TMEM132D: variants seen among roughly 807,000 people sequenced by gnomAD.
The protein encoded by TMEM132D is transmembrane protein 132D.
A neutral mutation model predicts 62.3 loss-of-function variants in TMEM132D; 21 were observed. That is an observed-to-expected ratio of 0.34 (90% CI 0.24 to 0.49). The LOEUF is 0.49. TMEM132D is among the 20% of genes least tolerant of loss of function. The pLI, the probability that TMEM132D is intolerant of heterozygous loss-of-function variation, is 0.99. For synonymous variants in TMEM132D, 621 were observed against 575.6 expected (o/e 1.08, Z -1.13); for missense variants, 1,346 against 1,402.8 (o/e 0.96, Z 0.65).
At chr12:129,122,294 G>C (rs150596364) in intron 5 of TMEM132D, among the ~76,000 whole-genome samples, 36 of 152,298 alleles carry the variant, frequency 2.4e-4, no homozygotes, top group Non-Finnish European at 4.9e-4. Context: ...ATGCTGTGGG[G>C]GAAAGCAAAG....
chr12:129,179,870 A>G (rs1268686755), intron 5 of TMEM132D, among the ~76,000 whole-genome samples: 1 of 152,074 alleles, frequency 6.6e-6, no homozygotes, highest in Non-Finnish European at 1.5e-5. Context: ...TCTACTAAAA[A>G]TACAAAAATT....
At chr12:129,612,232 A>C (rs999905797) in intron 2 of TMEM132D, among the ~76,000 whole-genome samples, 21 of 152,292 alleles carry the variant, frequency 1.4e-4, no homozygotes, top group Admixed American at 6.5e-4. Context: ...GGCTGATCTT[A>C]CTAAGGGGAG....
Position 129,724,677 on chromosome 12 carries a change from C to T in TMEM132D, c.80-23979G>A, listed in dbSNP as rs146324569. Among the ~76,000 whole-genome samples the T allele has an allele frequency of 1.9e-3, 287 of 152,258 alleles. 1 individual carries two copies. Among genetic ancestry groups the T allele is most frequent in the African/African-American group, 6.4e-3 (265 of 41,560 alleles). ...AGCTGGGATTGCAAGCACCCATCAC[C>T]GTGCCTGGCTAATTTTTGTACTTTT... On this transcript the variant is annotated intron_variant, in intron 1 of 8. Transcript: ENST00000422113.
chr12:129,529,717 TCATC>T (rs1320064819), intron 3 of TMEM132D, among the ~76,000 whole-genome samples: 3 of 152,148 alleles, frequency 2.0e-5, no homozygotes, highest in Non-Finnish European at 4.4e-5. Context: ...ATCCATCCAC[TCATC>T]CATCCATCCA....
intron 4 of TMEM132D, among the ~76,000 whole-genome samples, chr12:129,225,090 T>G (rs745426675): frequency 6.6e-6 from 1 of 152,180 alleles, no homozygotes; most frequent in East Asian, 1.9e-4. Context: ...TCTGTGACTT[T>G]CGGCAAAATA....
intron 1 of TMEM132D, among the ~76,000 whole-genome samples, chr12:129,774,500 G>A (rs761581676): frequency 6.6e-6 from 1 of 152,188 alleles, no homozygotes; most frequent in Non-Finnish European, 1.5e-5. Flanking sequence ...CAGGTGGGGG[G>A]CCCGTTGCAA....
chr12:129,572,857 G>A (rs1412479482), intron 2 of TMEM132D, among the ~76,000 whole-genome samples: 5 of 151,918 alleles, frequency 3.3e-5, no homozygotes, highest in Non-Finnish European at 5.9e-5. Context: ...CAATTTCGTG[G>A]CTTTCAAGTA....
chr12:129,767,290 C>T lies in TMEM132D; in HGVS notation c.80-66592G>A, dbSNP rs150543753. Among the ~76,000 whole-genome samples, 45 of 152,256 alleles carry T rather than the reference C, an allele frequency of 3.0e-4. No homozygotes were observed. The East Asian group carries it at 7.5e-3, about 26-fold the overall frequency. On this transcript the variant is annotated intron_variant, in intron 1 of 8. Coordinates refer to ENST00000422113, the MANE Select transcript of TMEM132D (RefSeq NM_133448.3). Reference sequence around the variant, plus strand: ...GTACATCTATAATTAATAAAACATGCATGCTTTTCTCCAGTTAATCTGTCT... The same window carrying T: ...GTACATCTATAATTAATAAAACATGTATGCTTTTCTCCAGTTAATCTGTCT...
intron 5 of TMEM132D, among the ~76,000 whole-genome samples, chr12:129,122,670 C>T (rs1876101133): frequency 6.6e-6 from 1 of 152,196 alleles, no homozygotes; most frequent in Non-Finnish European, 1.5e-5. Context: ...CTATTCTCCT[C>T]TGTGCTTCGT....
At chr12:129,559,042 G>A (rs894223764) in intron 2 of TMEM132D, among the ~76,000 whole-genome samples, 1 of 152,178 alleles carries the variant, frequency 6.6e-6, no homozygotes, top group African/African-American at 2.4e-5. Flanking sequence ...TTGATATCCA[G>A]TCATTAGAGT....
At chr12:129,196,734 T>C (rs1878561501) in intron 5 of TMEM132D, among the ~76,000 whole-genome samples, 1 of 152,212 alleles carries the variant, frequency 6.6e-6, no homozygotes, top group South Asian at 2.1e-4. Context: ...AGGTATAATC[T>C]CTGCTTGTCC....
At chr12:129,341,200 C>CA (rs1869468734) in intron 3 of TMEM132D, among the ~76,000 whole-genome samples, 1 of 152,178 alleles carries the variant, frequency 6.6e-6, no homozygotes, top group South Asian at 2.1e-4. Flanking sequence ...GTTTGTGTGT[C>CA]TGACAGATGG....
intron 5 of TMEM132D, among the ~76,000 whole-genome samples, chr12:129,183,947 C>T (rs1396239887): frequency 1.3e-5 from 2 of 152,178 alleles, no homozygotes; most frequent in African/African-American, 4.8e-5. Flanking sequence ...GTCTCCGAAA[C>T]AAAGGTGCCT....
intron 4 of TMEM132D, among the ~76,000 whole-genome samples, chr12:129,285,539 A>AAGAGAG (rs796604631): frequency 3.3e-5 from 3 of 90,070 alleles, no homozygotes; most frequent in African/African-American, 1.2e-4. Context: ...AAAAAAAAAA[A>AAGAGAG]AGAGAGAGAG....
At chr12:129,824,368 G>A (rs1235908661) in intron 1 of TMEM132D, among the ~76,000 whole-genome samples, 1 of 152,122 alleles carries the variant, frequency 6.6e-6, no homozygotes, top group African/African-American at 2.4e-5. Context: ...ACTCAGTCCT[G>A]TTCAACCATA....
intron 3 of TMEM132D, among the ~76,000 whole-genome samples, chr12:129,421,522 T>A (rs1373357919): frequency 1.3e-5 from 2 of 152,142 alleles, no homozygotes; most frequent in African/African-American, 4.8e-5. Flanking sequence ...TGTTTCAGTT[T>A]CCAGAACAAC....
intron 5 of TMEM132D, among the ~76,000 whole-genome samples, chr12:129,191,318 C>CACACACAA (rs1486789924): frequency 6.6e-6 from 1 of 151,538 alleles, no homozygotes; most frequent in Non-Finnish European, 1.5e-5. Flanking sequence ...CACACACACA[C>CACACACAA]ACACACACTT....
chr12:129,842,832 G>A (rs968321483), intron 1 of TMEM132D, among the ~76,000 whole-genome samples: 1 of 152,148 alleles, frequency 6.6e-6, no homozygotes, highest in Admixed American at 6.5e-5. Context: ...CACAGAGCAG[G>A]ACACGGTATC....
At chr12:129,091,368 C>T (rs1316636802) in intron 5 of TMEM132D, among the ~76,000 whole-genome samples, 1 of 151,584 alleles carries the variant, frequency 6.6e-6, no homozygotes, top group Non-Finnish European at 1.5e-5. Context: ...GGGACCCTTC[C>T]TAAGCTCACA....
Sources: allele counts gnomAD v4.1 joint callset (sites outside exome capture counted in the v4.1 genomes callset), GRCh38; gene constraint gnomAD v4.1.1; transcripts MANE v1.5; gene names NCBI Gene and HGNC (gene_info 2026-07-23, HGNC 2026-07-21).